Variants in SLC35E2B observed in about 807,000 individuals in gnomAD.
SLC35E2B encodes solute carrier family 35, member E2B.
In SLC35E2B, 18 loss-of-function variants were observed where a neutral mutation model predicts 32.4. The ratio of observed to expected loss-of-function variants is 0.56; its 90% confidence interval spans 0.38 to 0.82. SLC35E2B has a LOEUF of 0.82. SLC35E2B is among the 40% of genes least tolerant of loss of function. SLC35E2B has a pLI of 0.00. For synonymous variants in SLC35E2B, 132 were observed against 209.1 expected (o/e 0.63, Z 3.18); for missense variants, 263 against 469.5 (o/e 0.56, Z 4.06).
At chr1:1,674,847 C>G (rs1305925589) in intron 5 of SLC35E2B, among the ~76,000 whole-genome samples, 2 of 152,122 alleles carry the variant, frequency 1.3e-5, no homozygotes, top group Admixed American at 6.5e-5. Context: ...GTGCACCCCC[C>G]GACTCCGTTC....
At chr1:1,679,552 C>T (rs889419471) in intron 2 of SLC35E2B, among the ~76,000 whole-genome samples, 10 of 152,100 alleles carry the variant, frequency 6.6e-5, no homozygotes, top group South Asian at 4.1e-4. Context: ...CTGGGCCAGG[C>T]GCCGTGGCTC....
intron 8 of SLC35E2B, 52 bp downstream of exon 8, chr1:1,669,612 C>CA: frequency 1.4e-6 from 2 of 1,470,762 alleles, no homozygotes; most frequent in Non-Finnish European, 1.8e-6. Context: ...CCTGAATCAC[C>CA]GGAGAAGGCA....
chr1:1,684,282 G>A (rs950555441), intron 2 of SLC35E2B, among the ~76,000 whole-genome samples: 2 of 152,206 alleles, frequency 1.3e-5, no homozygotes, highest in African/African-American at 4.8e-5. Context: ...GTGGCTATAA[G>A]CGCGCTGAGC....
intron 2 of SLC35E2B, among the ~76,000 whole-genome samples, chr1:1,680,407 G>C (rs114726157): frequency 6.6e-6 from 1 of 152,318 alleles, no homozygotes; most frequent in Non-Finnish European, 1.5e-5. Context: ...TTCTCTGTCC[G>C]ATCACTGCAC....
At chr1:1,669,627 G>C in intron 8 of SLC35E2B, 37 bp downstream of exon 8, 1 of 1,494,112 alleles carries the variant, frequency 6.7e-7, no homozygotes, top group Non-Finnish European at 9.0e-7. Flanking sequence ...AAGGCAGCCC[G>C]GCAAGTAAGG....
In SLC35E2B at chr1:1,692,581, G is replaced by C. The variant is rs1644028736; in HGVS notation, c.-698C>G. The C allele has an allele frequency of 8.1e-6, 8 of 985,352 alleles. 1 individual carries two copies. Among genetic ancestry groups the C allele is most frequent in the Admixed American group, 1.2e-4 (2 of 16,262 alleles). 61.0% of individuals were successfully genotyped at this position (985,352 alleles called of 1,614,324 possible). Reference sequence around the variant, plus strand: ...GGGCGCGAGGCCGCGGAGACAGCTCGGAGCTCGGCACTGGGGAGTGGCACA... The same window carrying C: ...GGGCGCGAGGCCGCGGAGACAGCTCCGAGCTCGGCACTGGGGAGTGGCACA... On this transcript the variant is annotated 5_prime_UTR_variant, in exon 1 of 10. Transcript: ENST00000617444.
At chr1:1,674,580 G>A (rs1409587490) in intron 5 of SLC35E2B, among the ~76,000 whole-genome samples, 1 of 149,410 alleles carries the variant, frequency 6.7e-6, no homozygotes, top group Non-Finnish European at 1.5e-5. Context: ...CCTCGCCACT[G>A]CACTGCAGCC....
chr1:1,690,215 G>A (rs1644001976), intron 2 of SLC35E2B, among the ~76,000 whole-genome samples: 1 of 149,014 alleles, frequency 6.7e-6, no homozygotes, highest in African/African-American at 2.5e-5. Flanking sequence ...GGGAGGCAGA[G>A]GTTGTGATGA....
At chr1:1,679,632 G>C (rs1643882817) in intron 2 of SLC35E2B, among the ~76,000 whole-genome samples, 1 of 151,074 alleles carries the variant, frequency 6.6e-6, no homozygotes, top group African/African-American at 2.4e-5. Flanking sequence ...TTCATGACCA[G>C]CCTGGCAAAC....
chr1:1,668,234 A>T (rs1570312041), intron 9 of SLC35E2B, 93 bp downstream of exon 9: 5 of 1,482,296 alleles, frequency 3.4e-6, no homozygotes, highest in Non-Finnish European at 4.5e-6. Context: ...GTGGAAGAGA[A>T]TCACATGTGT....
intron 9 of SLC35E2B, among the ~76,000 whole-genome samples, chr1:1,667,416 AAAAT>A (rs1643576158): frequency 3.4e-5 from 1 of 29,604 alleles, no homozygotes; most frequent in Non-Finnish European, 8.4e-5. Context: ...CTGTCTCAAA[AAAAT>A]AAATAAATAA....
Position 1,665,009 on chromosome 1 carries a change from G to T in SLC35E2B, c.*773C>A, listed in dbSNP as rs1643504291. The T allele has an allele frequency of 5.1e-6, 5 of 979,856 alleles. No individual in the cohort carries two copies. In the South Asian group the frequency reaches 2.4e-4, roughly 46 times the overall value. 60.7% of individuals were successfully genotyped at this position (979,856 alleles called of 1,614,324 possible). A position where few individuals can be genotyped will look rare whatever the true frequency, so the allele number is the denominator to read the frequency against. On this transcript the variant is annotated 3_prime_UTR_variant, in exon 10 of 10. Coordinates refer to ENST00000617444, the MANE Select transcript of SLC35E2B (RefSeq NM_001290264.2). The stretch of plus-strand genomic sequence containing the variant: ...GAGGTTTGTCCTCAACCTCAGGGCT[G>T]GAAACCCCCACAGGTAGGAGGGCAG...
intron 2 of SLC35E2B, among the ~76,000 whole-genome samples, chr1:1,687,159 G>T (rs28561498): frequency 0.43 from 65,296 of 151,944 alleles, 14,315 homozygotes; most frequent in East Asian, 0.54. Flanking sequence ...GCACAGGCTT[G>T]AACGGATGGG....
chr1:1,671,790 A>G (rs1300676625), intron 5 of SLC35E2B, among the ~76,000 whole-genome samples, 161 bp from the exon 6 acceptor site: 1 of 152,240 alleles, frequency 6.6e-6, no homozygotes, highest in Non-Finnish European at 1.5e-5. Flanking sequence ...AAAGCAAATC[A>G]AAGTCCGTGT....
In SLC35E2B at chr1:1,665,679, C is replaced by T; in HGVS notation, c.*103G>A. The T allele has an allele frequency of 1.4e-6, 2 of 1,467,996 alleles. No individual in the cohort carries two copies. The highest frequency in any genetic ancestry group is 1.8e-6 in the Non-Finnish European group (2 of 1,105,880). The allele number at this position is 1,467,996 out of a possible 1,614,324, so 90.9% of individuals were successfully genotyped here. On this transcript the variant is annotated 3_prime_UTR_variant, in exon 10 of 10. Transcript: ENST00000617444. ...GCCGCAGGCAATGGCCAACTTAGCT[C>T]CCCATGTCCTGCACCCCAGCAGGGC...
chr1:1,683,420 G>T (rs535273950), intron 2 of SLC35E2B, among the ~76,000 whole-genome samples: 8 of 152,270 alleles, frequency 5.3e-5, no homozygotes, highest in African/African-American at 1.4e-4. Flanking sequence ...CTGCCCTACA[G>T]AACTGCAGAA....
intron 9 of SLC35E2B, among the ~76,000 whole-genome samples, chr1:1,667,900 T>C (rs369178399): frequency 1.1e-4 from 16 of 151,632 alleles, no homozygotes; most frequent in Non-Finnish European, 2.1e-4. Context: ...TCCCCCAGGC[T>C]GGAGTGCAGT....
At chr1:1,686,344 A>T (rs1291023089) in intron 2 of SLC35E2B, among the ~76,000 whole-genome samples, 2 of 119,080 alleles carry the variant, frequency 1.7e-5, no homozygotes, top group Non-Finnish European at 1.7e-5. Flanking sequence ...TTTTTTGCTG[A>T]CTCATGGGTT....
chr1:1,669,381 C>A (rs571029873), intron 8 of SLC35E2B, among the ~76,000 whole-genome samples: 1 of 151,912 alleles, frequency 6.6e-6, no homozygotes, highest in South Asian at 2.1e-4. Context: ...AAAAGTTTTT[C>A]TAATAAAAAA....
Sources: gnomAD v4.1 joint callset for allele counts (sites outside exome capture counted in the v4.1 genomes callset) on GRCh38, gnomAD v4.1.1 for gene constraint, MANE v1.5 for transcripts, NCBI Gene and HGNC (gene_info 2026-07-23, HGNC 2026-07-21) for gene names.